Variants in MRTFA observed in about 807,000 individuals in gnomAD.
The protein encoded by MRTFA is myocardin related transcription factor A.
A neutral mutation model predicts 83.5 loss-of-function variants in MRTFA; 20 were observed. The observed-to-expected ratio is 0.24, with a 90% CI of 0.17 to 0.35. MRTFA has a LOEUF of 0.35. Ranked by LOEUF, MRTFA falls within the 10% of genes least tolerant of loss-of-function variation. The pLI, the probability that MRTFA is intolerant of heterozygous loss-of-function variation, is 1.00. For synonymous variants in MRTFA, 659 were observed against 541.2 expected (o/e 1.22, Z -3.02); for missense variants, 1,200 against 1,224.7 (o/e 0.98, Z 0.30).
chr22:40,512,333 G>A (rs948110875), intron 3 of MRTFA, among the ~76,000 whole-genome samples: 3 of 152,114 alleles, frequency 2.0e-5, no homozygotes, highest in African/African-American at 7.2e-5. Context: ...ACCACACATG[G>A]GTCCCAATGC....
chr22:40,596,917 A>G (rs1310639153), intron 1 of MRTFA, among the ~76,000 whole-genome samples: 3 of 151,800 alleles, frequency 2.0e-5, no homozygotes, highest in Non-Finnish European at 4.4e-5. Context: ...GGAGGTTGCA[A>G]TGAGCCGAGA....
rs777129385 is a variant in MRTFA, at chr22:40,424,399, T to C, written c.602-18A>G. 3 of 1,611,212 alleles carry C rather than the reference T, an allele frequency of 1.9e-6. No individual in the cohort carries two copies. The highest frequency in any genetic ancestry group is 3.4e-5 in the Admixed American group (2 of 59,656). On this transcript the variant is annotated intron_variant, in intron 7 of 14. Coordinates refer to ENST00000355630, the MANE Select transcript of MRTFA (RefSeq NM_020831.6). ...CTGGCCCACTGAAACCCAAAGCTGGTGTGAGATTCCACTTCCAGCCCAGGG... is the reference window on the plus strand; with the variant it reads ...CTGGCCCACTGAAACCCAAAGCTGGCGTGAGATTCCACTTCCAGCCCAGGG...
At position 40,420,920 on chromosome 22, in the gene MRTFA, G is replaced by A; in HGVS notation, c.1108C>T (p.Leu370Phe). Residue 370 changes from leucine (L) to phenylalanine (F), a missense_variant, in exon 10 of 15, where the codon CTC (leucine) becomes TTC (phenylalanine). Transcript: ENST00000355630. ...TGCTGGTTGAGGATCTGCAGCTGGA[G>A]GAAGAGCTGCTGCTGCTGCAGGATC... is the stretch of plus-strand genomic sequence containing the variant. 1 of 1,614,206 alleles carries A rather than the reference G, an allele frequency of 6.2e-7. No homozygotes were observed. The highest frequency in any genetic ancestry group is 8.5e-7 in the Non-Finnish European group (1 of 1,180,022).
intron 4 of MRTFA, among the ~76,000 whole-genome samples, chr22:40,451,598 G>A (rs1405624771): frequency 6.6e-6 from 1 of 152,130 alleles, no homozygotes; most frequent in African/African-American, 2.4e-5. Flanking sequence ...CCCACTGATG[G>A]TCAAAGAGGC....
At chr22:40,470,728 C>T (rs1471260705) in intron 3 of MRTFA, among the ~76,000 whole-genome samples, 4 of 151,922 alleles carry the variant, frequency 2.6e-5, no homozygotes, top group Non-Finnish European at 2.9e-5. Context: ...AAAGGCAGAT[C>T]ACCTGAGGTC....
At chr22:40,429,548 C>T (rs1376553055) in intron 7 of MRTFA, 58 bp downstream of exon 7, 2 of 1,602,816 alleles carry the variant, frequency 1.2e-6, no homozygotes, top group African/African-American at 1.3e-5. Flanking sequence ...CAGCCTGGCA[C>T]TCCCTCCCCT....
At chr22:40,552,734 C>T (rs2055460916) in intron 2 of MRTFA, among the ~76,000 whole-genome samples, 1 of 152,214 alleles carries the variant, frequency 6.6e-6, no homozygotes. Flanking sequence ...TACCCAGTCT[C>T]AGGCAGTTCT....
At chr22:40,559,901 G>A (rs2055588393) in intron 2 of MRTFA, among the ~76,000 whole-genome samples, 1 of 152,154 alleles carries the variant, frequency 6.6e-6, no homozygotes, top group South Asian at 2.1e-4. Flanking sequence ...GAATAGTTCT[G>A]TAATTAAGTT....
rs1229906091 is a variant in MRTFA, at chr22:40,410,356, G to C, written c.*1034C>G. 1 of 273,484 alleles carries C rather than the reference G, an allele frequency of 3.7e-6. No individual in the cohort carries two copies. The highest frequency in any genetic ancestry group is 6.4e-6 in the Non-Finnish European group (1 of 155,112). 16.9% of individuals were successfully genotyped at this position (273,484 alleles called of 1,614,324 possible). A position where few individuals can be genotyped will look rare whatever the true frequency, so the allele number is the denominator to read the frequency against. On this transcript the variant is annotated 3_prime_UTR_variant, in exon 15 of 15. Coordinates refer to ENST00000355630, the MANE Select transcript of MRTFA (RefSeq NM_020831.6). ...CATCTTTGTCCCAGCACTGGTTTTG[G>C]TGACTCCACCCCTACTCCCCTATGA... is the stretch of plus-strand genomic sequence containing the variant.
intron 12 of MRTFA, chr22:40,417,793 A>G: frequency 5.3e-6 from 2 of 376,328 alleles, no homozygotes; most frequent in South Asian, 3.4e-5. Flanking sequence ...CTGCTCAGGG[A>G]CCCCTGTCTC....
intron 3 of MRTFA, among the ~76,000 whole-genome samples, chr22:40,477,887 G>C (rs1417049359): frequency 2.6e-5 from 4 of 152,038 alleles, no homozygotes; most frequent in Non-Finnish European, 5.9e-5. Flanking sequence ...TTGGAAGGCA[G>C]TTTAGGAACA....
chr22:40,520,728 A>G (rs959118964), intron 3 of MRTFA, among the ~76,000 whole-genome samples: 1 of 152,354 alleles, frequency 6.6e-6, no homozygotes, highest in South Asian at 2.1e-4. Flanking sequence ...ATTTTATAAC[A>G]TATATCAACA....
intron 2 of MRTFA, among the ~76,000 whole-genome samples, chr22:40,562,732 GGGGGGAAGGGGGAACGGAC>G (rs2055645491): frequency 4.7e-5 from 4 of 85,408 alleles, no homozygotes; most frequent in Non-Finnish European, 9.5e-5. Context: ...GAAGGGGGAA[GGGGGGAAGGGGGAACGGAC>G]GGAGGGGGGA....
At chr22:40,432,447 G>A (rs1438166469) in intron 5 of MRTFA, among the ~76,000 whole-genome samples, 1 of 151,984 alleles carries the variant, frequency 6.6e-6, no homozygotes, top group Non-Finnish European at 1.5e-5. Flanking sequence ...AACTAAACCA[G>A]TCCCTCAACA....
intron 3 of MRTFA, chr22:40,523,419 A>G (rs2054905424): frequency 6.6e-6 from 1 of 152,226 alleles, no homozygotes; most frequent in Admixed American, 6.5e-5. Flanking sequence ...GGTTCACTGC[A>G]GCCTTGACCT....
chr22:40,616,777 T>C (rs2056453424), intron 1 of MRTFA, among the ~76,000 whole-genome samples: 1 of 151,916 alleles, frequency 6.6e-6, no homozygotes. Context: ...GCCATCCCAA[T>C]GGAGATAGAA....
intron 14 of MRTFA, 148 bp from the exon 15 acceptor site, chr22:40,412,055 TAAA>T (rs2052562273): frequency 1.8e-6 from 1 of 550,222 alleles, no homozygotes; most frequent in African/African-American, 1.9e-5. Context: ...GCTAAGACTA[TAAA>T]ACTCTTTAAA....
intron 3 of MRTFA, among the ~76,000 whole-genome samples, chr22:40,473,484 G>A (rs188662053): frequency 3.0e-4 from 45 of 152,142 alleles, no homozygotes; most frequent in Admixed American, 2.5e-3. Flanking sequence ...AAGTAGTTTC[G>A]GATGGTATTT....
intron 2 of MRTFA, among the ~76,000 whole-genome samples, chr22:40,567,434 C>T (rs2055722204): frequency 6.6e-6 from 1 of 152,140 alleles, no homozygotes; most frequent in African/African-American, 2.4e-5. Context: ...GTATAAGAGA[C>T]CTGAATAAAT....
Sources: allele counts gnomAD v4.1 joint callset (sites outside exome capture counted in the v4.1 genomes callset), GRCh38; gene constraint gnomAD v4.1.1; transcripts MANE v1.5; gene names NCBI Gene and HGNC (gene_info 2026-07-23, HGNC 2026-07-21).